Variants in RYR2 observed in about 807,000 individuals in gnomAD.
RYR2 encodes the protein cardiac muscle ryanodine receptor-calcium release channel.
Under a neutral mutation model 601.1 loss-of-function variants are expected in RYR2, and 227 were observed. The observed-to-expected ratio is 0.38, with a 90% confidence interval of 0.34 to 0.42. RYR2 has a LOEUF of 0.42. Among genes scored for constraint, RYR2 ranks in the 10% least tolerant of loss-of-function variants. The probability of loss-of-function intolerance (pLI) is 1.00; values close to 1 mark genes in which losing one functional copy is unlikely to be tolerated. For synonymous variants in RYR2, 2,223 were observed against 2,175.1 expected (o/e 1.02, Z -0.61); for missense variants, 4,646 against 6,156.5 (o/e 0.75, Z 8.21).
chr1:237,241,608 A>G (rs1397111496), intron 1 of RYR2, among the ~76,000 whole-genome samples: 1 of 152,148 alleles, frequency 6.6e-6, no homozygotes, highest in East Asian at 1.9e-4. Context: ...TAAAGGAATA[A>G]AATGGTGGCT....
chr1:237,148,557 C>CACATATATATATATATATATATAT (rs1674335105), intron 1 of RYR2, among the ~76,000 whole-genome samples: 2 of 107,892 alleles, frequency 1.9e-5, no homozygotes, highest in African/African-American at 6.6e-5. Flanking sequence ...TATATATACA[C>CACATATATATATATATATATATAT]ACACACATAT....
At chr1:237,392,451 C>T (rs1277672631) in intron 10 of RYR2, among the ~76,000 whole-genome samples, 2 of 152,102 alleles carry the variant, frequency 1.3e-5, no homozygotes, top group African/African-American at 4.8e-5. Context: ...TATATACCTA[C>T]TACATACCCA....
intron 29 of RYR2, among the ~76,000 whole-genome samples, chr1:237,579,318 G>A (rs560045697): frequency 1.3e-4 from 19 of 145,322 alleles, no homozygotes; most frequent in South Asian, 8.6e-4. Context: ...CTGCAGTGGC[G>A]TGATCTTGGC....
In RYR2 at chr1:237,760,983, C is replaced by A; in HGVS notation, c.11431C>A (p.Gln3811Lys). 1 of 1,578,106 alleles carries A rather than the reference C, an allele frequency of 6.3e-7. No individual in the cohort carries two copies. Among genetic ancestry groups the A allele is most frequent in the Non-Finnish European group, 8.6e-7 (1 of 1,160,528 alleles). Residue 3811 changes from glutamine to lysine, a missense_variant, in exon 84 of 105, where the codon CAA becomes AAA. Physicochemically the swap from Gln to Lys is moderately conservative, Grantham distance 53. Around this residue, in one of 17 missense-constraint regions of RYR2, gnomAD observed 1,497 missense variants for 1,842.6 expected, o/e 0.81. Transcript: ENST00000366574. ...CCTTGACCTAAATGCATTTGAGCGACAAAACAAAGCTGAAGGTCTTGGGAT... is the reference window on the plus strand; with the variant it reads ...CCTTGACCTAAATGCATTTGAGCGAAAAAACAAAGCTGAAGGTCTTGGGAT... ...SVLDLNAFERQNKAEGLGMVT... is the reference protein window; with the variant it reads ...SVLDLNAFERKNKAEGLGMVT...
chr1:237,054,325 T>TC (rs1046209690), intron 1 of RYR2, among the ~76,000 whole-genome samples: 2 of 14,494 alleles, frequency 1.4e-4, no homozygotes, highest in African/African-American at 5.0e-4. Context: ...CCTCCCCGCC[T>TC]CCCCCCTCCC....
Position 237,042,458 on chromosome 1 carries a change from G to GGCC in RYR2, c.-50_-48dup, listed in dbSNP as rs794728699. 319 of 1,228,100 alleles carry GGCC rather than the reference G, an allele frequency of 2.6e-4. No individual in the cohort carries two copies. In the African/African-American group the frequency reaches 3.4e-3, roughly 13 times the overall value. 76.1% of individuals were successfully genotyped at this position (1,228,100 alleles called of 1,614,324 possible). A position where few individuals can be genotyped will look rare whatever the true frequency, so the allele number is the denominator to read the frequency against. Reference sequence around the variant, plus strand: ...AGCAGAAGCAGAAGGCAGCGCCAGGGGCCGCCGCCGCCGCCGAGCTCCGCG... The same window carrying GGCC: ...AGCAGAAGCAGAAGGCAGCGCCAGGGGCCGCCGCCGCCGCCGCCGAGCTCCGCG... On this transcript the variant is annotated 5_prime_UTR_variant, in exon 1 of 105. Transcript: ENST00000366574.
intron 3 of RYR2, among the ~76,000 whole-genome samples, chr1:237,354,792 G>A (rs74147244): frequency 0.014 from 2,157 of 152,198 alleles, 55 homozygotes; most frequent in African/African-American, 0.049. Context: ...TAACAACAGT[G>A]TGTTTGTAAA....
intron 1 of RYR2, among the ~76,000 whole-genome samples, chr1:237,053,653 G>A (rs936728349): frequency 6.6e-6 from 1 of 152,210 alleles, no homozygotes; most frequent in Admixed American, 6.5e-5. Context: ...TACGTGCCAT[G>A]CTTCTTGCTG....
chr1:237,710,527 A>C (rs1380804237), intron 70 of RYR2, among the ~76,000 whole-genome samples: 3 of 152,120 alleles, frequency 2.0e-5, no homozygotes, highest in African/African-American at 7.2e-5. Flanking sequence ...AAACATAATC[A>C]CTCAGAAAGG....
intron 1 of RYR2, among the ~76,000 whole-genome samples, chr1:237,068,876 C>T (rs1000502872): frequency 6.6e-6 from 1 of 152,028 alleles, no homozygotes; most frequent in African/African-American, 2.4e-5. Flanking sequence ...CCAACCTGCT[C>T]CTAGGTGAGC....
At chr1:237,317,472 A>T (rs1052279742) in intron 2 of RYR2, among the ~76,000 whole-genome samples, 6 of 152,110 alleles carry the variant, frequency 3.9e-5, no homozygotes, top group African/African-American at 1.4e-4. Context: ...TGTTTTTCTA[A>T]TTCCATGTTT....
At chr1:237,548,329 T>G (rs1670030532) in intron 25 of RYR2, 102 bp from the exon 26 acceptor site, 5 of 1,262,692 alleles carry the variant, frequency 4.0e-6, no homozygotes, top group Non-Finnish European at 5.5e-6. Flanking sequence ...ACCACTGTGG[T>G]TTATGGAAGA....
At chr1:237,580,477 A>AC (rs1407680684) in intron 29 of RYR2, among the ~76,000 whole-genome samples, 2 of 151,854 alleles carry the variant, frequency 1.3e-5, no homozygotes, top group African/African-American at 4.8e-5. Flanking sequence ...TTTAAAAAAA[A>AC]AAAAAATGAA....
intron 87 of RYR2, among the ~76,000 whole-genome samples, chr1:237,775,075 C>CAAAA (rs5781992): frequency 3.8e-3 from 340 of 90,340 alleles, no homozygotes; most frequent in Non-Finnish European, 5.9e-3. Flanking sequence ...CAATAAGAAC[C>CAAAA]AAAAAAAAAA....
At chr1:237,485,815 G>A (rs1356186498) in intron 17 of RYR2, among the ~76,000 whole-genome samples, 18 of 152,152 alleles carry the variant, frequency 1.2e-4, no homozygotes, top group Non-Finnish European at 1.5e-5. Flanking sequence ...TGCACTATCT[G>A]GTTTAGGGAC....
intron 1 of RYR2, among the ~76,000 whole-genome samples, chr1:237,118,784 T>C (rs1368114453): frequency 6.6e-6 from 1 of 152,092 alleles, no homozygotes; most frequent in African/African-American, 2.4e-5. Flanking sequence ...CCATGTTTAG[T>C]TACATCTTTT....
chr1:237,260,683 A>C (rs1688422665), intron 1 of RYR2, among the ~76,000 whole-genome samples: 1 of 152,206 alleles, frequency 6.6e-6, no homozygotes, highest in Non-Finnish European at 1.5e-5. Flanking sequence ...AATAAAATAA[A>C]ATAAATAAAA....
intron 70 of RYR2, among the ~76,000 whole-genome samples, chr1:237,710,958 C>T (rs997213068): frequency 3.9e-5 from 6 of 152,110 alleles, no homozygotes; most frequent in Non-Finnish European, 7.4e-5. Context: ...GGTTACTTCA[C>T]TTAGAATGCC....
intron 29 of RYR2, among the ~76,000 whole-genome samples, chr1:237,576,292 C>A (rs904968109): frequency 6.6e-6 from 1 of 152,094 alleles, no homozygotes; most frequent in Non-Finnish European, 1.5e-5. Context: ...TTGTAAAGGG[C>A]TAAAATATCT....
Sources: gnomAD v4.1 joint callset for allele counts (sites outside exome capture counted in the v4.1 genomes callset) on GRCh38, gnomAD v4.1.1 for gene constraint, gnomAD v4.1.1 regional missense constraint, MANE v1.5 for transcripts, NCBI Gene and HGNC (gene_info 2026-07-23, HGNC 2026-07-21) for gene names.